TXK: variants seen among roughly 807,000 people sequenced by gnomAD.
The protein encoded by TXK is tyrosine-protein kinase TXK.
A neutral mutation model predicts 81.0 loss-of-function variants in TXK; 60 were observed. That is an observed-to-expected ratio of 0.74 (90% CI 0.60 to 0.92). TXK has a LOEUF of 0.92. TXK is among the 40% of genes least tolerant of loss of function. TXK has a pLI of 0.00. For synonymous variants in TXK, 203 were observed against 210.7 expected, an observed-to-expected ratio of 0.96 and a Z score of 0.32; for missense variants, 581 against 638.3, an observed-to-expected ratio of 0.91 and a Z score of 0.97.
intron 5 of TXK, among the ~76,000 whole-genome samples, chr4:48,110,144 C>T (rs1718588098): frequency 6.6e-6 from 1 of 152,222 alleles, no homozygotes; most frequent in South Asian, 2.1e-4. Flanking sequence ...TAGCCTAGTT[C>T]TTATCGTCAG....
Position 48,112,533 on chromosome 4 carries a change from G to C in TXK, c.175-21C>G, listed in dbSNP as rs1260733088. The C allele has an allele frequency of 2.5e-6, 4 of 1,578,744 alleles. No individual in the cohort carries two copies. The Admixed American group carries it at 5.7e-5, about 23-fold the overall frequency. On this transcript the variant is annotated intron_variant, in intron 3 of 14. Coordinates refer to ENST00000264316, the MANE Select transcript of TXK (RefSeq NM_003328.3). ...TTGGACTGTGAAAACCAATAAGTGA[G>C]TTGTTTTACTATCATTTTAATAATT...
At chr4:48,120,048 T>C (rs1004388620) in intron 1 of TXK, among the ~76,000 whole-genome samples, 1 of 148,820 alleles carries the variant, frequency 6.7e-6, no homozygotes, top group Non-Finnish European at 1.5e-5. Context: ...TCACCATTTT[T>C]CCCCCTCTAC....
At chr4:48,089,938 C>A in intron 8 of TXK, 114 bp from the exon 9 acceptor site, 1 of 695,474 alleles carries the variant, frequency 1.4e-6, no homozygotes, top group Non-Finnish European at 2.4e-6. Context: ...AAAATTCATT[C>A]TACCAGTTAG....
intron 1 of TXK, among the ~76,000 whole-genome samples, chr4:48,122,608 A>T (rs546215669): frequency 1.3e-5 from 2 of 152,344 alleles, no homozygotes; most frequent in East Asian, 3.9e-4. Flanking sequence ...ACTAGTATGT[A>T]AACAAGCACC....
chr4:48,088,777 T>C (rs112535488), intron 9 of TXK, among the ~76,000 whole-genome samples: 7 of 152,328 alleles, frequency 4.6e-5, no homozygotes, highest in African/African-American at 1.7e-4. Context: ...AGAGGAATAA[T>C]ACAGGCACCA....
Position 48,071,297 on chromosome 4 carries a change from A to C in TXK, c.1515+220T>G, listed in dbSNP as rs77101671. Among the ~76,000 whole-genome samples, 1,062 of 152,328 alleles carry C rather than the reference A, an allele frequency of 7.0e-3. 10 individuals carry two copies. Among genetic ancestry groups the C allele is most frequent in the Middle Eastern group, 0.024 (7 of 294 alleles). ...AATCTCAAACAGATAAGACTCAGAAAATGCACTGAATTCCTCAGATAAAAG... is the reference window on the plus strand; with the variant it reads ...AATCTCAAACAGATAAGACTCAGAACATGCACTGAATTCCTCAGATAAAAG... On this transcript the variant is annotated intron_variant, in intron 14 of 14. Coordinates refer to ENST00000264316, the MANE Select transcript of TXK (RefSeq NM_003328.3).
chr4:48,083,445 T>C (rs1717387834), intron 10 of TXK, among the ~76,000 whole-genome samples: 1 of 152,238 alleles, frequency 6.6e-6, no homozygotes, highest in African/African-American at 2.4e-5. Flanking sequence ...CATTTTTACA[T>C]TTTGTAGGCC....
intron 1 of TXK, among the ~76,000 whole-genome samples, chr4:48,127,282 G>A (rs1439170996): frequency 6.6e-6 from 1 of 152,232 alleles, no homozygotes; most frequent in Non-Finnish European, 1.5e-5. Context: ...TTTATTTACA[G>A]GTTGAAGTGT....
Position 48,067,709 on chromosome 4 carries a change from G to A in TXK, c.1516-4C>T, listed in dbSNP as rs768722944. 3 of 1,613,776 alleles carry A rather than the reference G, an allele frequency of 1.9e-6. No homozygotes were observed. Among genetic ancestry groups the A allele is most frequent in the Admixed American group, 1.7e-5 (1 of 59,998 alleles). ...ATGTAGGGCGGCCTTCAGGTTTCTGGAAAAGGGAAGTGGGGGTGGTTAGCT... is the reference window on the plus strand; with the variant it reads ...ATGTAGGGCGGCCTTCAGGTTTCTGAAAAAGGGAAGTGGGGGTGGTTAGCT... On this transcript the variant is annotated splice_polypyrimidine_tract_variant and splice_region_variant and intron_variant, in intron 14 of 14. Transcript: ENST00000264316.
At position 48,077,685 on chromosome 4, in the gene TXK, C is replaced by A. The variant is rs140940035; in HGVS notation, c.1174-1219G>T. 3.9e-3 allele frequency among the ~76,000 whole-genome samples: 595 copies of A among 152,002 alleles called. 4 individuals are homozygous for A. The highest frequency in any genetic ancestry group is 0.013 in the African/African-American group (556 of 41,466). ...CATCCACTCAAAAATCTGCTCATTT[C>A]TCCTAGGTGCTGGATACGAGGGAAT... On this transcript the variant is annotated intron_variant, in intron 11 of 14. Coordinates refer to ENST00000264316, the MANE Select transcript of TXK (RefSeq NM_003328.3).
Position 48,089,760 on chromosome 4 carries a change from C to T in TXK, c.774G>A (p.Gly258=), listed in dbSNP as rs765099505. 1 of 1,613,326 alleles carries T rather than the reference C, an allele frequency of 6.2e-7. No homozygotes were observed. Among genetic ancestry groups the T allele is most frequent in the Non-Finnish European group, 8.5e-7 (1 of 1,179,410 alleles). Residue 258 remains glycine, a synonymous_variant, in exon 9 of 15, where the codon GGG becomes GGA. Coordinates refer to ENST00000264316, the MANE Select transcript of TXK (RefSeq NM_003328.3). ...GTGTGCACACTTTACCGTAGCTAAA[C>T]CCAGCTGTGGCTGGTAAACAACTGC... ...LMGSCLPATA[G]FSYEKWEIDP...
chr4:48,094,095 G>C lies in TXK; in HGVS notation c.691C>G (p.His231Asp), dbSNP rs1297565975. 4 of 1,613,490 alleles carry C rather than the reference G, an allele frequency of 2.5e-6. No individual in the cohort carries two copies. The highest frequency in any genetic ancestry group is 3.4e-6 in the Non-Finnish European group (4 of 1,180,054). Residue 231 changes from histidine to aspartate, a missense_variant, in exon 8 of 15, where the codon CAC (histidine) becomes GAC (aspartate). His to Asp is a moderately conservative substitution (Grantham distance 81, BLOSUM62 -1). Coordinates refer to ENST00000264316, the MANE Select transcript of TXK (RefSeq NM_003328.3). ...FQSIPELIWY[H>D]QHNAAGLMTR... is the part of the protein sequence containing the mutation. The stretch of plus-strand genomic sequence containing the variant: ...CTCTTACCGGCTGCATTGTGCTGGT[G>C]ATACCAGATTAACTCAGGGATTGAT...
At chr4:48,111,075 G>T (rs1276302600) in intron 4 of TXK, among the ~76,000 whole-genome samples, 1 of 152,188 alleles carries the variant, frequency 6.6e-6, no homozygotes, top group Admixed American at 6.5e-5. Context: ...AGATAGCAAA[G>T]ACGGGAATTG....
intron 4 of TXK, among the ~76,000 whole-genome samples, chr4:48,111,873 C>CAAT (rs1355960661): frequency 3.3e-5 from 5 of 152,234 alleles, no homozygotes; most frequent in Non-Finnish European, 7.4e-5. Context: ...AATTCAGCAG[C>CAAT]GACTGCAATG....
chr4:48,125,210 T>A (rs994846719), intron 1 of TXK, among the ~76,000 whole-genome samples: 2 of 152,202 alleles, frequency 1.3e-5, no homozygotes, highest in African/African-American at 4.8e-5. Flanking sequence ...TCCATGAGCA[T>A]CACAATAGGA....
chr4:48,076,444 C>A lies in TXK; in HGVS notation c.1196G>T (p.Ser399Ile), dbSNP rs757589171. The A allele has an allele frequency of 1.2e-6, 2 of 1,612,968 alleles. No homozygotes were observed. The highest frequency in any genetic ancestry group is 1.7e-6 in the Non-Finnish European group (2 of 1,179,634). ...TGAAATTTTTACTATGCATGTTGAACTGACCAAACAATTCCTTGCCGCCTA... is the reference window on the plus strand; with the variant it reads ...TGAAATTTTTACTATGCATGTTGAAATGACCAAACAATTCCTTGCCGCCTA... ...RDLAARNCLVSSTCIVKISDF... is the reference protein window; with the variant it reads ...RDLAARNCLVISTCIVKISDF... Residue 399 changes from serine (S) to isoleucine (I), a missense_variant, in exon 12 of 15, where the codon AGT becomes ATT. Coordinates refer to ENST00000264316, the MANE Select transcript of TXK (RefSeq NM_003328.3).
At chr4:48,107,278 T>G (rs889200864) in intron 5 of TXK, among the ~76,000 whole-genome samples, 1 of 151,840 alleles carries the variant, frequency 6.6e-6, no homozygotes, top group African/African-American at 2.4e-5. Flanking sequence ...GTAATATTGA[T>G]AATTCGGATA....
intron 1 of TXK, among the ~76,000 whole-genome samples, chr4:48,130,543 T>C (rs1222407955): frequency 1.3e-5 from 2 of 152,156 alleles, no homozygotes; most frequent in African/African-American, 2.4e-5. Context: ...GCCACCTCTG[T>C]AACCTGGTCT....
intron 1 of TXK, among the ~76,000 whole-genome samples, chr4:48,121,246 T>A (rs931286877): frequency 6.6e-6 from 1 of 152,214 alleles, no homozygotes; most frequent in Non-Finnish European, 1.5e-5. Flanking sequence ...TCCACTTGGA[T>A]GTCTAGTAGA....
Sources: allele counts gnomAD v4.1 joint callset (sites outside exome capture counted in the v4.1 genomes callset), GRCh38; gene constraint gnomAD v4.1.1; transcripts MANE v1.5; gene names NCBI Gene and HGNC (gene_info 2026-07-23, HGNC 2026-07-21).